The following CNTN4 variants were observed in gnomAD, a reference collection of about 807,000 sequenced individuals.
CNTN4 encodes the protein contactin-4.
A neutral mutation model predicts 122.5 loss-of-function variants in CNTN4; 77 were observed. That is an observed-to-expected ratio of 0.63 (90% CI 0.52 to 0.76). The LOEUF is 0.76. Ranked by LOEUF, CNTN4 falls within the 30% of genes least tolerant of loss-of-function variation. The pLI is 0.00. For missense variants in CNTN4, 1,256 were observed against 1,259.1 expected (o/e 1.00, Z 0.04); for synonymous variants, 512 against 447.0 (o/e 1.15, Z -1.83).
intron 4 of CNTN4, among the ~76,000 whole-genome samples, chr3:2,653,145 G>A (rs924971199): frequency 5.3e-5 from 8 of 152,036 alleles, no homozygotes; most frequent in East Asian, 1.9e-4. Context: ...AAACATACGC[G>A]TTAATACATG....
chr3:2,312,995 A>G (rs910353365), intron 2 of CNTN4, among the ~76,000 whole-genome samples: 21 of 152,060 alleles, frequency 1.4e-4, no homozygotes, highest in African/African-American at 4.6e-4. Context: ...AGGCAAATAT[A>G]TATAGCCTTA....
At chr3:2,703,366 C>G (rs113373624) in intron 4 of CNTN4, among the ~76,000 whole-genome samples, 6,335 of 152,220 alleles carry the variant, frequency 0.042, 199 homozygotes, top group Admixed American at 0.073. Flanking sequence ...AAAAAAACTA[C>G]CTAGCCTTTT....
chr3:2,478,953 C>G (rs1274624410), intron 3 of CNTN4, among the ~76,000 whole-genome samples: 1 of 152,084 alleles, frequency 6.6e-6, no homozygotes, highest in Non-Finnish European at 1.5e-5. Flanking sequence ...ATCTTGATCA[C>G]AGCTTTGGCA....
At chr3:2,460,857 A>G (rs558976243) in intron 3 of CNTN4, among the ~76,000 whole-genome samples, 2 of 151,820 alleles carry the variant, frequency 1.3e-5, no homozygotes, top group South Asian at 4.2e-4. Context: ...TGGTGCCATG[A>G]TAATCACTGG....
At chr3:2,325,814 T>C (rs1260976613) in intron 2 of CNTN4, among the ~76,000 whole-genome samples, 4 of 152,240 alleles carry the variant, frequency 2.6e-5, no homozygotes, top group African/African-American at 9.6e-5. Context: ...ACATCAGTAA[T>C]AGAGTACATA....
At chr3:2,384,846 T>C (rs2046183454) in intron 3 of CNTN4, among the ~76,000 whole-genome samples, 1 of 152,182 alleles carries the variant, frequency 6.6e-6, no homozygotes. Context: ...AATTTTTACC[T>C]ATCTTTTTTT....
chr3:2,428,988 A>G (rs2047953047), intron 3 of CNTN4, among the ~76,000 whole-genome samples: 1 of 152,002 alleles, frequency 6.6e-6, no homozygotes, highest in African/African-American at 2.4e-5. Context: ...TCTTTTTTCA[A>G]GGTTTTTAGC....
intron 12 of CNTN4, among the ~76,000 whole-genome samples, chr3:2,914,368 T>C (rs1049228700): frequency 6.6e-6 from 1 of 150,736 alleles, no homozygotes; most frequent in Non-Finnish European, 1.5e-5. Flanking sequence ...TAAACAAGAG[T>C]TGATTTTTAA....
chr3:2,907,103 G>A (rs1049584657), intron 12 of CNTN4, among the ~76,000 whole-genome samples: 1 of 152,156 alleles, frequency 6.6e-6, no homozygotes, highest in Non-Finnish European at 1.5e-5. Context: ...ATTAATATTG[G>A]TTAACTTGGG....
intron 15 of CNTN4, among the ~76,000 whole-genome samples, chr3:3,027,425 C>G (rs558385241): frequency 6.6e-6 from 1 of 152,158 alleles, no homozygotes; most frequent in Non-Finnish European, 1.5e-5. Flanking sequence ...TTCTGGACCT[C>G]TTTCACATGG....
intron 3 of CNTN4, among the ~76,000 whole-genome samples, chr3:2,397,129 G>C (rs1479979662): frequency 6.6e-6 from 1 of 152,098 alleles, no homozygotes; most frequent in Non-Finnish European, 1.5e-5. Context: ...GTAAAGCTTT[G>C]GAACATCTTG....
chr3:2,720,408 C>T (rs958999619), intron 4 of CNTN4, among the ~76,000 whole-genome samples: 2 of 152,086 alleles, frequency 1.3e-5, no homozygotes, highest in Admixed American at 6.5e-5. Flanking sequence ...GAGCATAACT[C>T]GTTCAGAGAC....
intron 4 of CNTN4, among the ~76,000 whole-genome samples, chr3:2,671,767 T>C (rs752810352): frequency 3.3e-5 from 5 of 152,160 alleles, no homozygotes; most frequent in Admixed American, 1.3e-4. Context: ...GACATACAGA[T>C]GGGGTTTTGG....
chr3:2,612,783 A>G (rs186907276), intron 4 of CNTN4, among the ~76,000 whole-genome samples: 3 of 152,310 alleles, frequency 2.0e-5, no homozygotes, highest in East Asian at 3.9e-4. Context: ...ACATATAGAC[A>G]TTTAATTTTG....
intron 6 of CNTN4, among the ~76,000 whole-genome samples, chr3:2,815,604 G>C (rs565184407): frequency 6.6e-6 from 1 of 152,216 alleles, no homozygotes; most frequent in East Asian, 1.9e-4. Flanking sequence ...TGTAGATGCA[G>C]TAAACAGGGA....
chr3:2,533,295 C>G (rs1395010264), intron 3 of CNTN4, among the ~76,000 whole-genome samples: 1 of 151,962 alleles, frequency 6.6e-6, no homozygotes, highest in Non-Finnish European at 1.5e-5. Context: ...CCCTCCACCC[C>G]ACAACAGGCC....
chr3:2,556,870 T>C (rs948424221), intron 3 of CNTN4, among the ~76,000 whole-genome samples: 3 of 152,140 alleles, frequency 2.0e-5, no homozygotes, highest in African/African-American at 4.8e-5. Context: ...GAGTCAGATG[T>C]TGAAAAGAAA....
At chr3:2,766,632 A>G (rs2090873078) in intron 6 of CNTN4, among the ~76,000 whole-genome samples, 1 of 152,122 alleles carries the variant, frequency 6.6e-6, no homozygotes, top group Non-Finnish European at 1.5e-5. Context: ...AAAGGCTACA[A>G]ATTGGGTTCA....
intron 4 of CNTN4, among the ~76,000 whole-genome samples, chr3:2,727,024 A>C (rs757684899): frequency 6.6e-6 from 1 of 152,184 alleles, no homozygotes; most frequent in Non-Finnish European, 1.5e-5. Context: ...GAAGTTAGCT[A>C]TAACTATTAT....
Sources: allele counts gnomAD v4.1 joint callset (sites outside exome capture counted in the v4.1 genomes callset), GRCh38; gene constraint gnomAD v4.1.1; transcripts MANE v1.5; gene names NCBI Gene and HGNC (gene_info 2026-07-23, HGNC 2026-07-21).